The following CHD2 variants were observed in gnomAD, a reference collection of about 807,000 sequenced individuals.
The protein encoded by CHD2 is ATP-dependent chromatin remodeler CHD2.
In CHD2, 28 loss-of-function variants were observed where a neutral mutation model predicts 243.9. The observed-to-expected ratio is 0.11, with a 90% CI of 0.09 to 0.16. The LOEUF (loss-of-function observed/expected upper bound fraction) is 0.16. CHD2 is among the 10% of genes least tolerant of loss of function. CHD2 has a pLI of 1.00. For synonymous variants in CHD2, 775 were observed against 779.0 expected, an observed-to-expected ratio of 0.99 and a Z score of 0.09; for missense variants, 1,386 against 2,209.8, an observed-to-expected ratio of 0.63 and a Z score of 7.47.
At chr15:92,982,973 A>G (rs1247092524) in intron 24 of CHD2, among the ~76,000 whole-genome samples, 1 of 152,166 alleles carries the variant, frequency 6.6e-6, no homozygotes, top group African/African-American at 2.4e-5. Context: ...GTTTGAGATC[A>G]GGGTGCCAAC....
intron 2 of CHD2, among the ~76,000 whole-genome samples, chr15:92,922,533 A>G (rs888140176): frequency 6.6e-6 from 1 of 152,182 alleles, no homozygotes; most frequent in African/African-American, 2.4e-5. Context: ...TATTTGCAGC[A>G]GTCCCAGTTT....
At chr15:92,978,752 G>A (rs765393411) in intron 21 of CHD2, among the ~76,000 whole-genome samples, 6 of 152,158 alleles carry the variant, frequency 3.9e-5, no homozygotes, top group Non-Finnish European at 5.9e-5. Context: ...AGCTTTAAAG[G>A]TACTTTGGAA....
Position 93,002,289 on chromosome 15 carries a change from G to C in CHD2, c.4250G>C (p.Arg1417Thr), listed in dbSNP as rs2054267162. 2 of 1,602,022 alleles carry C rather than the reference G, an allele frequency of 1.2e-6. No individual in the cohort carries two copies. Among genetic ancestry groups the C allele is most frequent in the East Asian group, 4.5e-5 (2 of 44,520 alleles). Reference sequence around the variant, plus strand: ...AAAGACAAAGAAGGGGACAAGGAAAGAAAGAAGTCAAAAGATAAGAAAGAG... The same window carrying C: ...AAAGACAAAGAAGGGGACAAGGAAACAAAGAAGTCAAAAGATAAGAAAGAG... ...SRKDKEGDKERKKSKDKKEKP... is the reference protein window; with the variant it reads ...SRKDKEGDKETKKSKDKKEKP... Residue 1417 changes from arginine to threonine, a missense_variant, in exon 33 of 39, where the codon AGA becomes ACA. Transcript: ENST00000394196.
chr15:92,904,493 G>T, intron 2 of CHD2: 1 of 990,440 alleles, frequency 1.0e-6, no homozygotes, highest in Non-Finnish European at 1.2e-6. Context: ...ACGCCGAGGG[G>T]AAAAGGAAGG....
chr15:92,949,176 ATCT>A, intron 13 of CHD2, 100 bp downstream of exon 13: 2 of 1,551,708 alleles, frequency 1.3e-6, no homozygotes, highest in Non-Finnish European at 1.7e-6. Context: ...CCCTTATTGT[ATCT>A]CAACCAAGAA....
intron 2 of CHD2, among the ~76,000 whole-genome samples, chr15:92,908,110 C>T (rs570643163): frequency 1.3e-5 from 2 of 148,952 alleles, no homozygotes; most frequent in South Asian, 4.3e-4. Flanking sequence ...CCGGCTTTTG[C>T]CAGTTAGTCT....
intron 28 of CHD2, 24 bp downstream of exon 28, chr15:92,993,022 G>T: frequency 6.2e-7 from 1 of 1,611,960 alleles, no homozygotes; most frequent in Non-Finnish European, 8.5e-7. Flanking sequence ...GCTTTAGTGA[G>T]TCTTCGCAAC....
chr15:92,927,611 A>T (rs1193266521), intron 4 of CHD2, among the ~76,000 whole-genome samples: 12 of 152,190 alleles, frequency 7.9e-5, no homozygotes, highest in Non-Finnish European at 1.3e-4. Flanking sequence ...TCATAGTGAA[A>T]ATTGATTATA....
At chr15:92,980,230 T>C (rs917435758) in intron 22 of CHD2, among the ~76,000 whole-genome samples, 3 of 150,102 alleles carry the variant, frequency 2.0e-5, no homozygotes, top group South Asian at 2.1e-4. Context: ...TTCTTTTTTT[T>C]TTTTTTTTTT....
chr15:92,904,163 T>C (rs2052572947), intron 2 of CHD2, among the ~76,000 whole-genome samples: 1 of 152,262 alleles, frequency 6.6e-6, no homozygotes, highest in South Asian at 2.1e-4. Context: ...TTTGAGCCCC[T>C]GGCATCTTGA....
At chr15:92,965,564 CCAAAAAAA>C (rs2053748290) in intron 16 of CHD2, among the ~76,000 whole-genome samples, 1 of 33,824 alleles carries the variant, frequency 3.0e-5, no homozygotes, top group African/African-American at 9.3e-5. Context: ...GACTCTTTCT[CCAAAAAAA>C]AAAAAAAAAA....
At chr15:92,904,331 C>A in intron 2 of CHD2, 2 of 509,468 alleles carry the variant, frequency 3.9e-6, no homozygotes, top group Non-Finnish European at 5.1e-6. Flanking sequence ...GCTGTGCGCG[C>A]GCCTGGTAAC....
Position 92,903,281 on chromosome 15 carries a change from C to T in CHD2, c.62+1982C>T, listed in dbSNP as rs1596361198. Among the ~76,000 whole-genome samples, 4 of 152,288 alleles carry T rather than the reference C, an allele frequency of 2.6e-5. No homozygotes were observed. In the South Asian group the frequency reaches 6.2e-4, roughly 24 times the overall value. On this transcript the variant is annotated intron_variant, in intron 2 of 38. Transcript: ENST00000394196. ...CCCTGTAATTAGTACTTGGTTCCTT[C>T]TGCCATCAGAGTTTTTATTGCCCAA...
At chr15:92,902,458 TATAA>T in intron 2 of CHD2, 2 of 315,220 alleles carry the variant, frequency 6.3e-6, no homozygotes, top group Middle Eastern at 8.7e-4. Context: ...TTCTAATTTT[TATAA>T]ATAATACACT....
intron 2 of CHD2, among the ~76,000 whole-genome samples, chr15:92,911,229 A>G (rs2052728673): frequency 6.6e-6 from 1 of 152,196 alleles, no homozygotes; most frequent in African/African-American, 2.4e-5. Flanking sequence ...CATGTATACT[A>G]CCTCCTAAGA....
intron 2 of CHD2, among the ~76,000 whole-genome samples, chr15:92,909,568 C>G (rs2052689669): frequency 1.3e-5 from 2 of 152,068 alleles, no homozygotes; most frequent in Admixed American, 1.3e-4. Context: ...TTATAGATGC[C>G]TGAGGCTGGA....
intron 8 of CHD2, 87 bp from the exon 9 acceptor site, chr15:92,942,756 G>A: frequency 1.0e-6 from 1 of 996,542 alleles, no homozygotes; most frequent in Admixed American, 3.2e-5. Flanking sequence ...ATCCACAAAG[G>A]GAGTCTTCAG....
chr15:92,932,409 A>T (rs1033443363), intron 5 of CHD2, among the ~76,000 whole-genome samples: 1 of 149,650 alleles, frequency 6.7e-6, no homozygotes, highest in Admixed American at 6.7e-5. Flanking sequence ...CGTCATTTAC[A>T]TTAGGTATAT....
intron 16 of CHD2, among the ~76,000 whole-genome samples, chr15:92,957,227 CTCA>C (rs1260967345): frequency 5.9e-5 from 9 of 152,222 alleles, no homozygotes; most frequent in African/African-American, 2.2e-4. Flanking sequence ...TCTGATTCCT[CTCA>C]TCCACTTTCT....
Sources: allele counts gnomAD v4.1 joint callset (sites outside exome capture counted in the v4.1 genomes callset), GRCh38; gene constraint gnomAD v4.1.1; transcripts MANE v1.5; gene names NCBI Gene and HGNC (gene_info 2026-07-23, HGNC 2026-07-21).